The following ECD variants were observed in gnomAD, a reference collection of about 807,000 sequenced individuals.
ECD encodes ecdysoneless cell cycle regulator.
ECD carries 59 observed loss-of-function variants against 77.2 expected under a neutral mutation model. The ratio of observed to expected loss-of-function variants is 0.76; its 90% confidence interval spans 0.62 to 0.95. ECD has a LOEUF of 0.95. Among genes scored for constraint, ECD ranks in the 40% least tolerant of loss-of-function variants. The pLI, the probability that ECD is intolerant of heterozygous loss-of-function variation, is 0.00. For missense variants in ECD, 704 were observed against 763.4 expected, an observed-to-expected ratio of 0.92 and a Z score of 0.92; for synonymous variants, 233 against 267.4, an observed-to-expected ratio of 0.87 and a Z score of 1.26.
At chr10:73,155,082 C>A (rs1036278831) in intron 5 of ECD, among the ~76,000 whole-genome samples, 2 of 152,034 alleles carry the variant, frequency 1.3e-5, no homozygotes, top group African/African-American at 4.8e-5. Flanking sequence ...CGGAGTCTCG[C>A]TCTGTCGCCA....
intron 9 of ECD, among the ~76,000 whole-genome samples, chr10:73,140,606 C>T (rs971134748): frequency 5.9e-5 from 9 of 151,832 alleles, no homozygotes; most frequent in Admixed American, 5.2e-4. Context: ...TGCTTGAACC[C>T]GGGAGGTGGA....
At chr10:73,158,268 T>C (rs1246204945) in intron 3 of ECD, among the ~76,000 whole-genome samples, 1 of 152,066 alleles carries the variant, frequency 6.6e-6, no homozygotes, top group East Asian at 1.9e-4. Context: ...GCCTACAATG[T>C]ATTGTGTTCT....
At chr10:73,160,899 T>C (rs1178150776) in intron 2 of ECD, among the ~76,000 whole-genome samples, 1 of 152,214 alleles carries the variant, frequency 6.6e-6, no homozygotes, top group Non-Finnish European at 1.5e-5. Context: ...GCATGATGTA[T>C]AGAGTATGTA....
intron 7 of ECD, among the ~76,000 whole-genome samples, chr10:73,149,092 T>A (rs1843166925): frequency 6.6e-6 from 1 of 152,224 alleles, no homozygotes; most frequent in Non-Finnish European, 1.5e-5. Flanking sequence ...CACAAATTCA[T>A]CCATCTTACT....
At chr10:73,145,834 G>A (rs565650285) in intron 9 of ECD, among the ~76,000 whole-genome samples, 10 of 151,960 alleles carry the variant, frequency 6.6e-5, no homozygotes, top group East Asian at 1.9e-4. Context: ...TAGTAGATAC[G>A]GGGTTTCACC....
At chr10:73,157,615 G>C (rs955192089) in intron 3 of ECD, among the ~76,000 whole-genome samples, 2 of 151,298 alleles carry the variant, frequency 1.3e-5, no homozygotes, top group African/African-American at 4.8e-5. Flanking sequence ...CCAGCTACTC[G>C]GGAGGCTGAG....
Position 73,163,851 on chromosome 10 carries a change from A to G in ECD, c.87T>C (p.Asp29=), listed in dbSNP as rs1307726857. The change falls in exon 2 of 14, where the codon GAT becomes GAC. Residue 29 remains aspartate (D), a synonymous_variant. Coordinates refer to ENST00000372979, the MANE Select transcript of ECD (RefSeq NM_007265.3). ...FLIPDESRDS[D]KHKEILQKYI... is the part of the protein sequence containing the mutation. ...ACTTCTGAAGAATCTCTTTATGTTT[A>G]TCTGAGTCCCTTGACTCATCTGGTA... The G allele has an allele frequency of 1.9e-6, 3 of 1,614,212 alleles. No individual in the cohort carries two copies. The highest frequency in any genetic ancestry group is 2.5e-6 in the Non-Finnish European group (3 of 1,180,036).
At chr10:73,158,714 C>A (rs925948662) in intron 3 of ECD, among the ~76,000 whole-genome samples, 6 of 151,602 alleles carry the variant, frequency 4.0e-5, no homozygotes, top group Admixed American at 2.0e-4. Context: ...CCAGTCTGGG[C>A]AAGAGAGTGA....
chr10:73,146,392 T>C (rs1294607643), intron 8 of ECD, 31 bp from the exon 9 acceptor site: 1 of 1,467,896 alleles, frequency 6.8e-7, no homozygotes, highest in East Asian at 2.3e-5. Context: ...TATCAGAACA[T>C]TACTCACAAG....
chr10:73,146,067 T>C (rs1843124407), intron 9 of ECD, among the ~76,000 whole-genome samples: 1 of 151,516 alleles, frequency 6.6e-6, no homozygotes, highest in African/African-American at 2.4e-5. Flanking sequence ...TTTTTTTTCT[T>C]TTTTGAGGCA....
chr10:73,136,954 AATTATTATTATT>A lies in ECD; in HGVS notation c.1490-48_1490-37del, dbSNP rs139531713. On this transcript the variant is annotated intron_variant, in intron 12 of 13. Coordinates refer to ENST00000372979, the MANE Select transcript of ECD (RefSeq NM_007265.3). ...CCCAAGAAAGAAAGAGCCACTTAGT[AATTATTATTATT>A]ATTATTATTATTATTATTATTTAGT... 1.1e-5 allele frequency: 11 copies of A among 992,506 alleles called. No homozygotes were observed. In the South Asian group the frequency reaches 2.4e-4, roughly 21 times the overall value. 61.5% of individuals were successfully genotyped at this position (992,506 alleles called of 1,614,324 possible).
At chr10:73,165,954 C>G (rs923480492) in intron 1 of ECD, among the ~76,000 whole-genome samples, 1 of 152,066 alleles carries the variant, frequency 6.6e-6, no homozygotes, top group Admixed American at 6.6e-5. Flanking sequence ...ACCATACTCC[C>G]CCACAAACCC....
chr10:73,138,241 A>C (rs1009527318), intron 11 of ECD, among the ~76,000 whole-genome samples, 171 bp from the exon 12 acceptor site: 2 of 152,256 alleles, frequency 1.3e-5, no homozygotes, highest in African/African-American at 4.8e-5. Flanking sequence ...CTGGCCTTGC[A>C]GGACAACAGA....
At position 73,141,675 on chromosome 10, in the gene ECD, T is replaced by G. The variant is rs1263589180; in HGVS notation, c.1128-1938A>C. Among the ~76,000 whole-genome samples the G allele has an allele frequency of 2.6e-5, 4 of 152,340 alleles. No homozygotes were observed. The South Asian group carries it at 8.3e-4, about 32-fold the overall frequency. ...TCTCACTATGACTCTCTTTAGCATT[T>G]GATATTCCAGAATGATTTTTATTTT... On this transcript the variant is annotated intron_variant, in intron 9 of 13. Transcript: ENST00000372979.
chr10:73,141,456 A>G, intron 9 of ECD: 1 of 159,742 alleles, frequency 6.3e-6, no homozygotes, highest in Non-Finnish European at 1.4e-5. Flanking sequence ...AGCTTGCAGT[A>G]AGCCAGGATC....
At chr10:73,163,163 A>G (rs1843403367) in intron 2 of ECD, among the ~76,000 whole-genome samples, 1 of 152,212 alleles carries the variant, frequency 6.6e-6, no homozygotes. Flanking sequence ...TTCTCATAAC[A>G]GGACAGAGTG....
intron 8 of ECD, 64 bp from the exon 9 acceptor site, chr10:73,146,425 A>C: frequency 8.5e-7 from 1 of 1,172,138 alleles, no homozygotes; most frequent in Non-Finnish European, 1.2e-6. Flanking sequence ...AAATGTGTTC[A>C]CCAGCAACTT....
At position 73,136,812 on chromosome 10, in the gene ECD, C is replaced by T. The variant is rs1842978737; in HGVS notation, c.1596G>A (p.Glu532=). 3 of 1,613,936 alleles carry T rather than the reference C, an allele frequency of 1.9e-6. No individual in the cohort carries two copies. The African/African-American group carries it at 4.0e-5, about 22-fold the overall frequency. The change falls in exon 13 of 14, where the codon GAG becomes GAA. Residue 532 remains glutamate, a synonymous_variant. Coordinates refer to ENST00000372979, the MANE Select transcript of ECD (RefSeq NM_007265.3). ...LDFETHEPGE[E]ASLKGTLDNL... ...TATCAAGTGTTCCTTTCAGGGAAGC[C>T]TCTTCGCCAGGTTCGTGTGTTTCAA... is the stretch of plus-strand genomic sequence containing the variant.
intron 13 of ECD, among the ~76,000 whole-genome samples, chr10:73,136,105 A>G (rs538141766): frequency 1.8e-4 from 27 of 152,342 alleles, no homozygotes; most frequent in African/African-American, 6.0e-4. Context: ...ACCCTAACCC[A>G]TAAGACTCCA....
Sources: gnomAD v4.1 joint callset for allele counts (sites outside exome capture counted in the v4.1 genomes callset) on GRCh38, gnomAD v4.1.1 for gene constraint, MANE v1.5 for transcripts, NCBI Gene and HGNC (gene_info 2026-07-23, HGNC 2026-07-21) for gene names.